RHOU: variants seen among roughly 807,000 people sequenced by gnomAD.
The protein encoded by RHOU is rho-related GTP-binding protein RhoU.
In RHOU, 8 loss-of-function variants were observed where a neutral mutation model predicts 12.6. The ratio of observed to expected loss-of-function variants is 0.64; its 90% CI spans 0.37 to 1.15. The LOEUF is 1.15. RHOU is among the 50% of genes most tolerant of loss of function. The pLI is 0.01. For synonymous variants in RHOU, 161 were observed against 147.4 expected, an observed-to-expected ratio of 1.09 and a Z score of -0.67; for missense variants, 258 against 347.0, an observed-to-expected ratio of 0.74 and a Z score of 2.04.
chr1:228,665,402 G>C, the RHOU span, among the ~76,000 whole-genome samples: 1 of 152,242 alleles, frequency 6.6e-6, no homozygotes, highest in Non-Finnish European at 1.5e-5. Flanking sequence ...CTACGTGGCA[G>C]CACTAGGGTG....
At position 228,745,757 on chromosome 1, in the gene RHOU, C is replaced by T. The variant is rs1400151902; in HGVS notation, c.*2017C>T. 2.0e-5 allele frequency: 3 copies of T among 152,250 alleles called. No homozygotes were observed. The highest frequency in any genetic ancestry group is 2.9e-5 in the Non-Finnish European group (2 of 68,052). 9.4% of individuals were successfully genotyped at this position (152,250 alleles called of 1,614,324 possible). A position where few individuals can be genotyped will look rare whatever the true frequency, so the allele number is the denominator to read the frequency against. On this transcript the variant is annotated 3_prime_UTR_variant, in exon 3 of 3. Coordinates refer to ENST00000366691, the MANE Select transcript of RHOU (RefSeq NM_021205.6). ...AAAGCTAGGCTTCCCAGGCTGGGCT[C>T]TGCCTGTCTGGTGCCTGGAGGTGTG...
At chr1:228,708,371 T>G in the RHOU span, among the ~76,000 whole-genome samples, 1 of 148,960 alleles carries the variant, frequency 6.7e-6, no homozygotes, top group African/African-American at 2.5e-5. Context: ...TTCACCAAAG[T>G]TGAAATGAAG....
At chr1:228,647,380 G>C in the RHOU span, among the ~76,000 whole-genome samples, 1 of 152,208 alleles carries the variant, frequency 6.6e-6, no homozygotes, top group Non-Finnish European at 1.5e-5. Flanking sequence ...GGGCGCGTCC[G>C]GAGGCCTGGG....
At chr1:228,684,664 C>T in the RHOU span, among the ~76,000 whole-genome samples, 3 of 152,110 alleles carry the variant, frequency 2.0e-5, no homozygotes, top group South Asian at 2.1e-4. Context: ...CTCTCAGAAT[C>T]GTTCCTGTTT....
the RHOU span, among the ~76,000 whole-genome samples, chr1:228,680,547 C>A: frequency 6.6e-6 from 1 of 152,140 alleles, no homozygotes; most frequent in African/African-American, 2.4e-5. Context: ...TGCTGTCTGG[C>A]CACCTCCTCT....
the RHOU span, among the ~76,000 whole-genome samples, chr1:228,699,782 A>T: frequency 6.6e-6 from 1 of 152,132 alleles, no homozygotes; most frequent in Non-Finnish European, 1.5e-5. Flanking sequence ...AATATGTCCT[A>T]ATAACCTTTT....
the RHOU span, among the ~76,000 whole-genome samples, chr1:228,714,563 C>T: frequency 4.6e-5 from 7 of 152,030 alleles, no homozygotes; most frequent in South Asian, 2.1e-4. Flanking sequence ...TTCCTCAGGA[C>T]GTTATCCATT....
the RHOU span, among the ~76,000 whole-genome samples, chr1:228,664,916 T>C: frequency 1.3e-5 from 2 of 152,158 alleles, no homozygotes; most frequent in Admixed American, 1.3e-4. Flanking sequence ...CCTCCCAAAG[T>C]GCTGGGATTA....
At chr1:228,712,828 TAAATAAAATAAAATAAAATAAAATA>T in the RHOU span, among the ~76,000 whole-genome samples, 603 of 119,154 alleles carry the variant, frequency 5.1e-3, 3 homozygotes, top group African/African-American at 0.02. Context: ...AATAAATAAA[TAAATAAAATAAAATAAAATAAAATA>T]AAATAAAATA....
At chr1:228,709,944 T>G in the RHOU span, among the ~76,000 whole-genome samples, 1 of 151,216 alleles carries the variant, frequency 6.6e-6, no homozygotes, top group African/African-American at 2.4e-5. Context: ...GAGAGAAGAA[T>G]CAAATAGGAG....
chr1:228,716,739 T>TAC, the RHOU span, among the ~76,000 whole-genome samples: 2 of 68,614 alleles, frequency 2.9e-5, no homozygotes, highest in East Asian at 6.5e-4. Flanking sequence ...TATATACATA[T>TAC]ACACACACAT....
At chr1:228,730,827 T>C (rs1468202246), upstream of RHOU, among the ~76,000 whole-genome samples, 2 of 152,186 alleles carry the variant, frequency 1.3e-5, no homozygotes, top group Admixed American at 6.5e-5. Flanking sequence ...CTGTTCTGAT[T>C]TGGTACTCAG....
chr1:228,732,810 G>A (rs1237190792), upstream of RHOU, among the ~76,000 whole-genome samples: 1 of 152,096 alleles, frequency 6.6e-6, no homozygotes, highest in African/African-American at 2.4e-5. Flanking sequence ...TATCACATTT[G>A]TGAGACTTCA....
At chr1:228,723,748 A>G in the RHOU span, among the ~76,000 whole-genome samples, 13 of 152,280 alleles carry the variant, frequency 8.5e-5, no homozygotes, top group Non-Finnish European at 1.3e-4. Context: ...AACTCCTACC[A>G]CATATTCCAA....
At chr1:228,704,445 T>TTTTTTA in the RHOU span, among the ~76,000 whole-genome samples, 3 of 152,118 alleles carry the variant, frequency 2.0e-5, no homozygotes, top group Non-Finnish European at 2.9e-5. Flanking sequence ...TTAGTCAATT[T>TTTTTTA]TTTTTATTTT....
chr1:228,741,213 C>G (rs925420498), intron 2 of RHOU, among the ~76,000 whole-genome samples: 2 of 152,208 alleles, frequency 1.3e-5, no homozygotes, highest in African/African-American at 4.8e-5. Flanking sequence ...CTGGCAAGCA[C>G]ATGCAAATTG....
the RHOU span, among the ~76,000 whole-genome samples, chr1:228,702,260 T>C: frequency 6.6e-6 from 1 of 152,200 alleles, no homozygotes; most frequent in Non-Finnish European, 1.5e-5. Context: ...CCCTTTCTAA[T>C]GTTTTTCCCA....
At chr1:228,719,854 A>T in the RHOU span, among the ~76,000 whole-genome samples, 1 of 152,224 alleles carries the variant, frequency 6.6e-6, no homozygotes, top group Non-Finnish European at 1.5e-5. Flanking sequence ...TTAATTCAGT[A>T]GCTTTCTCTC....
At chr1:228,665,559 T>C in the RHOU span, among the ~76,000 whole-genome samples, 11 of 152,298 alleles carry the variant, frequency 7.2e-5, no homozygotes, top group African/African-American at 2.4e-4. Flanking sequence ...AACAGTAATA[T>C]ATCTTTGAGT....
Sources: gnomAD v4.1 joint callset for allele counts (sites outside exome capture counted in the v4.1 genomes callset) on GRCh38, gnomAD v4.1.1 for gene constraint, MANE v1.5 for transcripts, NCBI Gene and HGNC (gene_info 2026-07-23, HGNC 2026-07-21) for gene names.